The following PATJ variants were observed in gnomAD, a reference collection of about 807,000 sequenced individuals.
PATJ encodes the protein inaD-like protein.
A neutral mutation model predicts 224.9 loss-of-function variants in PATJ; 190 were observed. The observed-to-expected ratio is 0.84, with a 90% CI of 0.75 to 0.95. PATJ has a LOEUF of 0.95. Among genes scored for constraint, PATJ ranks in the 40% least tolerant of loss-of-function variants. The probability of loss-of-function intolerance (pLI) is 0.00; values close to 1 mark genes in which losing one functional copy is unlikely to be tolerated. For synonymous variants in PATJ, 769 were observed against 820.3 expected, an observed-to-expected ratio of 0.94 and a Z score of 1.07; for missense variants, 2,121 against 2,270.3, an observed-to-expected ratio of 0.93 and a Z score of 1.34.
At chr1:62,106,158 G>GTATGTATATATATATATATATA (rs1662998902) in intron 33 of PATJ, among the ~76,000 whole-genome samples, 2 of 48,064 alleles carry the variant, frequency 4.2e-5, no homozygotes, top group African/African-American at 7.1e-5. Flanking sequence ...GTGTGTGTGT[G>GTATGTATATATATATATATATA]TATATATATA....
chr1:62,146,432 G>C (rs1258627300), intron 41 of PATJ, among the ~76,000 whole-genome samples: 1 of 152,204 alleles, frequency 6.6e-6, no homozygotes, highest in Non-Finnish European at 1.5e-5. Flanking sequence ...GGATGGAGGG[G>C]CTGAAGCGAG....
chr1:61,859,222 G>A (rs920319125), intron 18 of PATJ, among the ~76,000 whole-genome samples: 1 of 152,126 alleles, frequency 6.6e-6, no homozygotes, highest in African/African-American at 2.4e-5. Flanking sequence ...AAACGAGTTG[G>A]TAGCAACTGG....
At chr1:61,983,370 T>C (rs1334001297) in intron 27 of PATJ, among the ~76,000 whole-genome samples, 1 of 152,072 alleles carries the variant, frequency 6.6e-6, no homozygotes, top group Non-Finnish European at 1.5e-5. Flanking sequence ...TACCTATAAA[T>C]CTTTTTGCTT....
At chr1:62,107,614 G>C (rs1558179221) in intron 33 of PATJ, among the ~76,000 whole-genome samples, 1 of 152,034 alleles carries the variant, frequency 6.6e-6, no homozygotes. Flanking sequence ...ACTATGAGTG[G>C]TGATTGATGG....
chr1:62,007,523 GT>G (rs1646165037), intron 28 of PATJ, among the ~76,000 whole-genome samples: 1 of 152,228 alleles, frequency 6.6e-6, no homozygotes, highest in Non-Finnish European at 1.5e-5. Flanking sequence ...AAAGAGGTAT[GT>G]CAGTTAGATT....
intron 26 of PATJ, among the ~76,000 whole-genome samples, chr1:61,920,323 TG>T (rs1386464859): frequency 2.0e-5 from 3 of 152,096 alleles, no homozygotes. Context: ...AATTGAATCA[TG>T]GGGGCGGGTC....
chr1:61,813,117 G>A (rs1001072663), intron 14 of PATJ, among the ~76,000 whole-genome samples: 1 of 151,578 alleles, frequency 6.6e-6, no homozygotes, highest in Admixed American at 6.6e-5. Flanking sequence ...TTACTTGTCT[G>A]TCCTCCCACA....
In PATJ at chr1:62,161,128, G is replaced by GA. The variant is rs2149081423; in HGVS notation, c.*78dup. 11 of 1,212,774 alleles carry GA rather than the reference G, an allele frequency of 9.1e-6. No individual in the cohort carries two copies. The highest frequency in any genetic ancestry group is 1.2e-5 in the Non-Finnish European group (11 of 937,624). 75.1% of individuals were successfully genotyped at this position (1,212,774 alleles called of 1,614,324 possible). On this transcript the variant is annotated 3_prime_UTR_variant, in exon 44 of 44. Transcript: ENST00000642238. ...GGCAGATGAAGTTCTGAGTGGGTAT[G>GA]AAAAGCACCCTCAACTAAAATGCAC...
chr1:62,017,984 C>G, intron 29 of PATJ, 37 bp downstream of exon 29: 1 of 1,143,608 alleles, frequency 8.7e-7, no homozygotes, highest in Non-Finnish European at 1.3e-6. Context: ...AAATCAAAGA[C>G]CTCTTCTGAA....
In PATJ at chr1:61,869,046, G is replaced by A. The variant is rs80013671; in HGVS notation, c.2835+4413G>A. The stretch of plus-strand genomic sequence containing the variant: ...AAAGCTTCTATGAGAAGAACAACTA[G>A]GTTTGTTTAGGAAAGACAAACGGGT... On this transcript the variant is annotated intron_variant, in intron 20 of 43. Coordinates refer to ENST00000642238, the MANE Select transcript of PATJ (RefSeq NM_001350145.3). Among the ~76,000 whole-genome samples the A allele has an allele frequency of 4.7e-3, 719 of 151,876 alleles. 16 individuals carry two copies. The highest frequency in any genetic ancestry group is 0.029 in the Admixed American group (439 of 15,250).
At chr1:62,071,318 A>T (rs769547302) in intron 31 of PATJ, among the ~76,000 whole-genome samples, 1 of 152,108 alleles carries the variant, frequency 6.6e-6, no homozygotes, top group Non-Finnish European at 1.5e-5. Context: ...CATCATTAGC[A>T]TCTTTAGTAA....
chr1:61,784,635 A>G (rs1237558636), intron 7 of PATJ, among the ~76,000 whole-genome samples: 2 of 152,254 alleles, frequency 1.3e-5, no homozygotes, highest in Non-Finnish European at 1.5e-5. Flanking sequence ...CAAGCCAAGT[A>G]TGAAAACACT....
At chr1:62,037,844 A>G (rs746739555) in intron 29 of PATJ, 133 bp from the exon 30 acceptor site, 44 of 326,180 alleles carry the variant, frequency 1.3e-4, no homozygotes, top group Non-Finnish European at 2.0e-4. Flanking sequence ...GAAGCTATAT[A>G]TTTATATATA....
intron 34 of PATJ, among the ~76,000 whole-genome samples, chr1:62,108,971 G>A (rs969610873): frequency 6.6e-6 from 1 of 152,038 alleles, no homozygotes; most frequent in African/African-American, 2.4e-5. Context: ...TTCATGCCTT[G>A]CCACCAATGT....
intron 29 of PATJ, among the ~76,000 whole-genome samples, chr1:62,037,647 C>A (rs1235660846): frequency 6.6e-6 from 1 of 152,162 alleles, no homozygotes; most frequent in Non-Finnish European, 1.5e-5. Context: ...AAAATTTATA[C>A]TCTGCAGTGC....
At chr1:62,096,976 C>G (rs889602078) in intron 33 of PATJ, among the ~76,000 whole-genome samples, 3 of 152,066 alleles carry the variant, frequency 2.0e-5, no homozygotes, top group Non-Finnish European at 4.4e-5. Context: ...ATGTTAGGAG[C>G]TCTCATGAGC....
chr1:61,908,568 T>C, intron 25 of PATJ, 86 bp downstream of exon 25: 1 of 797,430 alleles, frequency 1.3e-6, no homozygotes, highest in South Asian at 1.6e-5. Flanking sequence ...ATTTTCCACA[T>C]ATTTTCATTG....
intron 33 of PATJ, among the ~76,000 whole-genome samples, chr1:62,106,158 G>GTGTGTGTGTGTGTATATATATATATA (rs1356937495): frequency 2.1e-5 from 1 of 48,064 alleles, no homozygotes; most frequent in African/African-American, 7.1e-5. Context: ...GTGTGTGTGT[G>GTGTGTGTGTGTGTATATATATATATA]TATATATATA....
chr1:62,144,777 A>AATAT lies in PATJ; in HGVS notation c.5272-3491_5272-3488dup, dbSNP rs1553280095. 6.8e-4 allele frequency among the ~76,000 whole-genome samples: 81 copies of AATAT among 119,080 alleles called. 2 individuals are homozygous for AATAT. Among genetic ancestry groups the AATAT allele is most frequent in the Middle Eastern group, 3.8e-3 (1 of 260 alleles). 78.1% of individuals were successfully genotyped at this position (119,080 alleles called of 152,430 possible). ...TAGAATGTTATTTGCAAAAAAAAAA[A>AATAT]ATATATATATATATATATAATTAGC... is the stretch of plus-strand genomic sequence containing the variant. On this transcript the variant is annotated intron_variant, in intron 41 of 43. Coordinates refer to ENST00000642238, the MANE Select transcript of PATJ (RefSeq NM_001350145.3).
Sources: allele counts gnomAD v4.1 joint callset (sites outside exome capture counted in the v4.1 genomes callset), GRCh38; gene constraint gnomAD v4.1.1; transcripts MANE v1.5; gene names NCBI Gene and HGNC (gene_info 2026-07-23, HGNC 2026-07-21).